Variants in CUBN observed in about 807,000 individuals in gnomAD.
CUBN encodes 460 kDa receptor.
A neutral mutation model predicts 405.3 loss-of-function variants in CUBN; 282 were observed. The ratio of observed to expected loss-of-function variants is 0.70; its 90% CI spans 0.63 to 0.77. The LOEUF is 0.77. Ranked by LOEUF, CUBN falls within the 30% of genes least tolerant of loss-of-function variation. CUBN has a pLI of 0.00. For missense variants in CUBN, 4,514 were observed against 4,475.2 expected, an observed-to-expected ratio of 1.01 and a Z score of -0.25; for synonymous variants, 1,684 against 1,617.0, an observed-to-expected ratio of 1.04 and a Z score of -0.99.
At chr10:17,066,328 A>G (rs1341773850) in intron 21 of CUBN, among the ~76,000 whole-genome samples, 1 of 152,198 alleles carries the variant, frequency 6.6e-6, no homozygotes. Context: ...ATGAGCTTTT[A>G]TCTGGAGAAA....
In CUBN at chr10:16,982,648, C is replaced by T. The variant is rs1285618811; in HGVS notation, c.4531G>A (p.Gly1511Ser). ...ASWQAVTGGC[G>S]GIFQAPSGEI... is the part of the protein sequence containing the mutation. ...CCACTGGGAGCCTGGAAAATCCCAC[C>T]ACAACCTGGAAGTGGGGAACACAAT... Residue 1511 changes from glycine (G) to serine (S), a missense_variant, in exon 31 of 67, where the codon GGT (glycine) becomes AGT (serine). Physicochemically the swap from Gly to Ser is moderately conservative, Grantham distance 56 (BLOSUM62 0). Transcript: ENST00000377833. 3 of 1,612,232 alleles carry T rather than the reference C, an allele frequency of 1.9e-6. No individual in the cohort carries two copies. The highest frequency in any genetic ancestry group is 2.5e-6 in the Non-Finnish European group (3 of 1,178,764).
At chr10:17,026,834 T>A (rs1588594720) in intron 27 of CUBN, among the ~76,000 whole-genome samples, 2 of 152,104 alleles carry the variant, frequency 1.3e-5, no homozygotes, top group African/African-American at 4.8e-5. Flanking sequence ...GTCCCCTCCA[T>A]AAGGCACATG....
chr10:17,097,886 T>G lies in CUBN; in HGVS notation c.1765+2119A>C, dbSNP rs185717616. Among the ~76,000 whole-genome samples, 660 of 152,280 alleles carry G rather than the reference T, an allele frequency of 4.3e-3. 4 individuals carry two copies. Among genetic ancestry groups the G allele is most frequent in the African/African-American group, 0.015 (611 of 41,558 alleles). On this transcript the variant is annotated intron_variant, in intron 14 of 66. Transcript: ENST00000377833. The stretch of plus-strand genomic sequence containing the variant: ...GTGTGGGTTTTTTTTTAATTCTTTA[T>G]AAATTCTGACACCTCTCCCATTTAG...
chr10:16,832,550 T>C (rs561633675), intron 64 of CUBN, among the ~76,000 whole-genome samples: 66 of 152,274 alleles, frequency 4.3e-4, no homozygotes, highest in African/African-American at 1.3e-3. Flanking sequence ...AGGGCTGCCA[T>C]AGCCAGCACC....
chr10:16,948,729 G>A, intron 34 of CUBN, 123 bp from the exon 35 acceptor site: 2 of 1,191,946 alleles, frequency 1.7e-6, no homozygotes, highest in Non-Finnish European at 2.4e-6. Context: ...TTGCCACTAG[G>A]AGAACCACTT....
At position 17,100,126 on chromosome 10, in the gene CUBN, A is replaced by G. The variant is rs559998744; in HGVS notation, c.1644T>C (p.Phe548=). The part of the protein sequence containing the change: ...DSSSAFQLGR[F]CGSSLPHELL... ...GTTCATGAGGGAGGCTGGAGCCACA[A>G]AATCTTCCAAGTTGAAAAGCAGAAG... Residue 548 remains phenylalanine (F), a synonymous_variant, in exon 14 of 67, where the codon TTT becomes TTC. Transcript: ENST00000377833. 22 of 1,613,932 alleles carry G rather than the reference A, an allele frequency of 1.4e-5. No individual in the cohort carries two copies. The highest frequency in any genetic ancestry group is 1.2e-4 in the African/African-American group (9 of 75,062).
At chr10:16,977,536 T>C (rs1049269575) in intron 31 of CUBN, among the ~76,000 whole-genome samples, 5 of 152,120 alleles carry the variant, frequency 3.3e-5, no homozygotes, top group African/African-American at 9.7e-5. Flanking sequence ...CAGCTCCCCA[T>C]CCATCCCACT....
intron 10 of CUBN, among the ~76,000 whole-genome samples, chr10:17,108,843 G>C (rs1836700647): frequency 6.6e-6 from 1 of 152,046 alleles, no homozygotes; most frequent in South Asian, 2.1e-4. Context: ...CAGATAATGA[G>C]ATAATGTCCT....
In CUBN at chr10:16,835,015, T is replaced by C; in HGVS notation, c.10361A>G (p.Glu3454Gly). 1 of 1,613,300 alleles carries C rather than the reference T, an allele frequency of 6.2e-7. No homozygotes were observed. The highest frequency in any genetic ancestry group is 8.5e-7 in the Non-Finnish European group (1 of 1,179,270). ...AAACGATATTCAAATGCATATCACC[T>C]CCAAGAAATCGTTTCTGCATTCAAC... ...NSVECRNDFLEVRNGSNSNSP... is the reference protein window; with the variant it reads ...NSVECRNDFLGVRNGSNSNSP... The change falls in exon 64 of 67, where the codon GAG becomes GGG. Residue 3454 changes from glutamate (E) to glycine (G), a missense_variant and splice_region_variant. Coordinates refer to ENST00000377833, the MANE Select transcript of CUBN (RefSeq NM_001081.4).
intron 56 of CUBN, 45 bp from the exon 57 acceptor site, chr10:16,877,142 A>C: frequency 6.5e-7 from 1 of 1,539,116 alleles, no homozygotes; most frequent in South Asian, 1.1e-5. Context: ...GAACCTACAC[A>C]AACAATTAAG....
At position 16,925,600 on chromosome 10, in the gene CUBN, T is replaced by C. The variant is rs1439322418; in HGVS notation, c.6446A>G (p.Gln2149Arg). The C allele has an allele frequency of 3.7e-6, 6 of 1,614,014 alleles. No homozygotes were observed. The Admixed American group carries it at 5.0e-5, about 13-fold the overall frequency. The stretch of plus-strand genomic sequence containing the variant: ...AAGACCTACCACCAAGTAATCCCCC[T>C]GGTTGCAAGAAGAATCTCCATTTGG... ...QIPNGDSSCN[Q>R]GDYLVLRNGP... The change falls in exon 42 of 67, where the codon CAG becomes CGG. Residue 2149 changes from glutamine (Q) to arginine (R), a missense_variant. By Grantham distance (43) the Gln-to-Arg change is conservative. Around this residue, in one of 5 missense-constraint regions of CUBN, gnomAD observed 1,613 missense variants for 1,542.8 expected, o/e 1.05. Transcript: ENST00000377833.
In CUBN at chr10:16,840,413, G is replaced by A. The variant is rs1564379463; in HGVS notation, c.9949C>T (p.Gln3317Ter). The A allele has an allele frequency of 2.5e-6, 4 of 1,614,004 alleles. No homozygotes were observed. Among genetic ancestry groups the A allele is most frequent in the South Asian group, 2.2e-5 (2 of 91,082 alleles). The change falls in exon 62 of 67, where the codon CAG (glutamine) becomes TAG (stop). Residue 3317 changes from glutamine to a stop codon, truncating the protein, a stop_gained. Coordinates refer to ENST00000377833, the MANE Select transcript of CUBN (RefSeq NM_001081.4). LOFTEE classifies it high-confidence loss of function. ...AATGCCCACACAGTTATCTTGACCTGCTGATGCGGAGGGGAATCAATGACC... is the reference window on the plus strand; with the variant it reads ...AATGCCCACACAGTTATCTTGACCTACTGATGCGGAGGGGAATCAATGACC... The part of the protein sequence containing the change: ...TWVIDSPPHQ[Q>*]VKITVWALQL...
intron 28 of CUBN, among the ~76,000 whole-genome samples, chr10:16,998,025 T>C (rs1264622561): frequency 3.3e-5 from 5 of 149,890 alleles, no homozygotes; most frequent in Admixed American, 3.3e-4. Flanking sequence ...AAGAAGAAAA[T>C]CAAGTAATAT....
intron 56 of CUBN, among the ~76,000 whole-genome samples, chr10:16,883,883 C>T (rs547728861): frequency 1.3e-5 from 2 of 152,318 alleles, no homozygotes; most frequent in South Asian, 2.1e-4. Flanking sequence ...CAGTTTACGG[C>T]GTGTAGAATT....
chr10:16,866,187 A>C (rs1213878801), intron 59 of CUBN, among the ~76,000 whole-genome samples: 1 of 152,192 alleles, frequency 6.6e-6, no homozygotes, highest in Non-Finnish European at 1.5e-5. Flanking sequence ...TTTAGAAAAA[A>C]AAAATGAAAC....
intron 4 of CUBN, among the ~76,000 whole-genome samples, chr10:17,124,585 C>T (rs12572442): frequency 0.21 from 32,380 of 150,788 alleles, 4,488 homozygotes; most frequent in Non-Finnish European, 0.32. Context: ...CCCGCCACCA[C>T]GCCCAGCTAA....
chr10:17,054,716 C>A (rs1835352256), intron 22 of CUBN, among the ~76,000 whole-genome samples: 2 of 151,904 alleles, frequency 1.3e-5, no homozygotes, highest in Non-Finnish European at 2.9e-5. Context: ...TGACAACATA[C>A]ATAAAATAGA....
intron 11 of CUBN, 107 bp from the exon 12 acceptor site, chr10:17,104,712 A>T (rs935186755): frequency 1.5e-5 from 4 of 266,896 alleles, no homozygotes; most frequent in African/African-American, 9.4e-5. Context: ...ATAATATATA[A>T]TAATTATATA....
chr10:17,002,735 G>A (rs1371439861), intron 28 of CUBN, among the ~76,000 whole-genome samples: 1 of 152,206 alleles, frequency 6.6e-6, no homozygotes, highest in Admixed American at 6.5e-5. Context: ...GGACCTTGCT[G>A]GAGAAACTCT....
Sources: allele counts gnomAD v4.1 joint callset (sites outside exome capture counted in the v4.1 genomes callset), GRCh38; gene constraint gnomAD v4.1.1; regional missense constraint gnomAD v4.1.1; transcripts MANE v1.5; gene names NCBI Gene and HGNC (gene_info 2026-07-23, HGNC 2026-07-21).